The following GFPT1 variants were observed in gnomAD, a reference collection of about 807,000 sequenced individuals.
The protein encoded by GFPT1 is glutamine--fructose-6-phosphate aminotransferase [isomerizing] 1.
Under a neutral mutation model 92.0 loss-of-function variants are expected in GFPT1, and 40 were observed. That is an observed-to-expected ratio of 0.43 (90% confidence interval 0.34 to 0.57). GFPT1 has a LOEUF of 0.57. Ranked by LOEUF, GFPT1 falls within the 20% of genes least tolerant of loss-of-function variation. The probability of loss-of-function intolerance (pLI) is 0.02; values close to 1 mark genes in which losing one functional copy is unlikely to be tolerated. For missense variants in GFPT1, 448 were observed against 869.1 expected (o/e 0.52, Z 6.09); for synonymous variants, 269 against 280.6 (o/e 0.96, Z 0.41).
At chr2:69,365,586 A>T (rs1452104736) in intron 3 of GFPT1, among the ~76,000 whole-genome samples, 1 of 152,236 alleles carries the variant, frequency 6.6e-6, no homozygotes, top group African/African-American at 2.4e-5. Context: ...CAAAAACAGC[A>T]GCCTACCTTA....
At chr2:69,354,213 A>G in intron 9 of GFPT1, 46 bp downstream of exon 9, 1 of 1,313,902 alleles carries the variant, frequency 7.6e-7, no homozygotes, top group Non-Finnish European at 1.1e-6. Flanking sequence ...AAGAATAAAC[A>G]AAAGAGGATA....
At chr2:69,361,218 T>C (rs1487621379) in intron 4 of GFPT1, among the ~76,000 whole-genome samples, 1 of 151,822 alleles carries the variant, frequency 6.6e-6, no homozygotes, top group African/African-American at 2.4e-5. Flanking sequence ...GGGGCTGAGA[T>C]AGATGGATCA....
chr2:69,379,234 A>C (rs1671949001), intron 1 of GFPT1, among the ~76,000 whole-genome samples: 1 of 152,150 alleles, frequency 6.6e-6, no homozygotes, highest in African/African-American at 2.4e-5. Context: ...TTCAGCTATA[A>C]ATTTTTCTAC....
intron 15 of GFPT1, among the ~76,000 whole-genome samples, chr2:69,332,370 T>C (rs1359974071): frequency 6.6e-6 from 1 of 151,128 alleles, no homozygotes; most frequent in Non-Finnish European, 1.5e-5. Context: ...TGGATTGCAA[T>C]GGCATGATCT....
chr2:69,354,282 C>A lies in GFPT1; in HGVS notation c.716G>T (p.Arg239Leu), dbSNP rs555854564. The A allele has an allele frequency of 1.3e-6, 2 of 1,591,988 alleles. No individual in the cohort carries two copies. The highest frequency in any genetic ancestry group is 2.2e-5 in the East Asian group (1 of 44,698). The change falls in exon 9 of 20, where the codon CGG becomes CTG. Residue 239 changes from arginine (R) to leucine (L), a missense_variant. Around this residue, in one of 7 missense-constraint regions of GFPT1, gnomAD observed 118 missense variants for 192.9 expected, o/e 0.61. Transcript: ENST00000357308. ...ACCTCTTTCTCCCTGTGATCCCCACCGTGTGAATTTTGATCCAATCTGAGT... is the reference window on the plus strand; with the variant it reads ...ACCTCTTTCTCCCTGTGATCCCCACAGTGTGAATTTTGATCCAATCTGAGT... ...ARTQIGSKFTRWGSQGERGKD... is the reference protein window; with the variant it reads ...ARTQIGSKFTLWGSQGERGKD...
intron 12 of GFPT1, 25 bp downstream of exon 12, chr2:69,345,879 A>C: frequency 8.1e-7 from 1 of 1,227,428 alleles, no homozygotes; most frequent in Non-Finnish European, 1.2e-6. Context: ...ACACTGAAAT[A>C]ATAAAATAAT....
rs143036820 is a variant in GFPT1, at chr2:69,363,665, G to C, written c.229C>G (p.Gln77Glu). The C allele has an allele frequency of 6.2e-7, 1 of 1,603,256 alleles. No individual in the cohort carries two copies. Among genetic ancestry groups the C allele is most frequent in the Non-Finnish European group, 8.5e-7 (1 of 1,170,132 alleles). ...AATTCTATATCCAAATCCATATCTTGTTGCTCTGAAGAATATGAAAAGAAA... is the reference window on the plus strand; with the variant it reads ...AATTCTATATCCAAATCCATATCTTCTTGCTCTGAAGAATATGAAAAGAAA... Reference protein sequence around the residue: ...KALDEEVHKQQDMDLDIEFDV... With the variant: ...KALDEEVHKQEDMDLDIEFDV... Residue 77 changes from glutamine (Q) to glutamate (E), a missense_variant, in exon 4 of 20, where the codon CAA becomes GAA. This residue lies in a region of GFPT1 where 72 missense variants were observed against 95.1 expected (regional missense o/e 0.76). Transcript: ENST00000357308.
chr2:69,326,401 T>C (rs1290404072), intron 19 of GFPT1, among the ~76,000 whole-genome samples, 168 bp from the exon 20 acceptor site: 2 of 152,140 alleles, frequency 1.3e-5, no homozygotes, highest in East Asian at 3.8e-4. Context: ...TATAATCACA[T>C]AATGTGTCCT....
intron 1 of GFPT1, among the ~76,000 whole-genome samples, chr2:69,385,635 C>T (rs1187438550): frequency 1.3e-5 from 2 of 151,868 alleles, no homozygotes; most frequent in African/African-American, 4.8e-5. Context: ...TGATGAGGCA[C>T]ACCCCTCATC....
At chr2:69,365,807 ACTTT>A (rs1671596472) in intron 3 of GFPT1, among the ~76,000 whole-genome samples, 1 of 151,676 alleles carries the variant, frequency 6.6e-6, no homozygotes, top group African/African-American at 2.4e-5. Flanking sequence ...ATCTTTGACT[ACTTT>A]TTTTATTTTT....
rs545251985 is a variant in GFPT1 at position 69,364,503 on chromosome 2, A to G, written c.224-833T>C. Among the ~76,000 whole-genome samples the G allele has an allele frequency of 7.5e-4, 115 of 152,354 alleles. 1 individual carries two copies. Among genetic ancestry groups the G allele is most frequent in the South Asian group, 6.2e-4 (3 of 4,834 alleles). On this transcript the variant is annotated intron_variant, in intron 3 of 19. Transcript: ENST00000357308. ...TTATCAATTTAATTAAACATGTAAA[A>G]ATAAATTCATTTTCCCAATGACACA...
At chr2:69,328,549 G>A in intron 17 of GFPT1, 111 bp from the exon 18 acceptor site, 1 of 727,918 alleles carries the variant, frequency 1.4e-6, no homozygotes, top group East Asian at 2.6e-5. Flanking sequence ...CTATCCAAAA[G>A]TATTAAAGGA....
chr2:69,357,347 C>G lies in GFPT1; in HGVS notation c.544-790G>C, dbSNP rs147655408. On this transcript the variant is annotated intron_variant, in intron 6 of 19. Coordinates refer to ENST00000357308, the MANE Select transcript of GFPT1 (RefSeq NM_001244710.2). ...TATATACAATTATTAACATGCACAC[C>G]ATACAACTCCATCAACCCGAATCCT... Among the ~76,000 whole-genome samples, 29 of 152,264 alleles carry G rather than the reference C, an allele frequency of 1.9e-4. No individual in the cohort carries two copies. The East Asian group carries it at 5.4e-3, about 28-fold the overall frequency.
intron 12 of GFPT1, among the ~76,000 whole-genome samples, chr2:69,343,338 G>A (rs1386604948): frequency 2.0e-5 from 3 of 151,832 alleles, no homozygotes; most frequent in Non-Finnish European, 4.4e-5. Flanking sequence ...GTACCTCCTC[G>A]TGGGCCTCAT....
intron 12 of GFPT1, 22 bp from the exon 13 acceptor site, chr2:69,342,271 A>G: frequency 7.0e-7 from 1 of 1,433,614 alleles, no homozygotes. Context: ...GTTTGTGTAC[A>G]TAATTATTTA....
At chr2:69,336,811 C>T (rs1293819862) in intron 15 of GFPT1, among the ~76,000 whole-genome samples, 1 of 151,872 alleles carries the variant, frequency 6.6e-6, no homozygotes, top group African/African-American at 2.4e-5. Flanking sequence ...AACAACCAAA[C>T]AAACCTAAAA....
chr2:69,363,701 T>C, intron 3 of GFPT1, 31 bp from the exon 4 acceptor site: 1 of 1,486,578 alleles, frequency 6.7e-7, no homozygotes, highest in South Asian at 1.1e-5. Context: ...AATTTCAATA[T>C]TAAATCATGC....
At chr2:69,354,358 C>T in intron 8 of GFPT1, 46 bp from the exon 9 acceptor site, 1 of 1,489,460 alleles carries the variant, frequency 6.7e-7, no homozygotes, top group Non-Finnish European at 9.3e-7. Flanking sequence ...AGAGAACTCA[C>T]AAAAACAAAT....
chr2:69,329,002 G>C (rs531493125), intron 17 of GFPT1, among the ~76,000 whole-genome samples: 4 of 152,246 alleles, frequency 2.6e-5, no homozygotes, highest in African/African-American at 9.6e-5. Flanking sequence ...ACTGTGCCCA[G>C]CTTGACCTCA....
Sources: allele counts gnomAD v4.1 joint callset (sites outside exome capture counted in the v4.1 genomes callset), GRCh38; gene constraint gnomAD v4.1.1; regional missense constraint gnomAD v4.1.1; transcripts MANE v1.5; gene names NCBI Gene and HGNC (gene_info 2026-07-23, HGNC 2026-07-21).